CACNA2D3: variants seen among roughly 807,000 people sequenced by gnomAD.
CACNA2D3 encodes voltage-dependent calcium channel subunit alpha-2/delta-3.
CACNA2D3 carries 60 observed loss-of-function variants against 160.6 expected under a neutral mutation model. The observed-to-expected ratio is 0.37, with a 90% CI of 0.30 to 0.46. CACNA2D3 has a LOEUF of 0.46. CACNA2D3 is among the 20% of genes least tolerant of loss of function. The pLI, the probability that CACNA2D3 is intolerant of heterozygous loss-of-function variation, is 1.00. For missense variants in CACNA2D3, 1,205 were observed against 1,365.0 expected (o/e 0.88, Z 1.85); for synonymous variants, 558 against 492.9 (o/e 1.13, Z -1.75).
At chr3:54,987,532 C>A in intron 30 of CACNA2D3, 151 bp from the exon 31 acceptor site, 1 of 547,804 alleles carries the variant, frequency 1.8e-6, no homozygotes. Context: ...CCCATGAGTT[C>A]TCATGACTGT....
At chr3:54,806,207 A>G (rs1470512346) in intron 13 of CACNA2D3, among the ~76,000 whole-genome samples, 2 of 152,222 alleles carry the variant, frequency 1.3e-5, no homozygotes, top group African/African-American at 2.4e-5. Flanking sequence ...GGCCAGGGCA[A>G]TCAGGCGGGA....
At position 54,153,739 on chromosome 3, in the gene CACNA2D3, G is replaced by C. The variant is rs1700191447; in HGVS notation, c.204+30145G>C. On this transcript the variant is annotated intron_variant, in intron 2 of 37. Coordinates refer to ENST00000474759, the MANE Select transcript of CACNA2D3 (RefSeq NM_018398.3). ...GTAGCAATGGTTTTTCCTTATATGG[G>C]CATTGCACTGGTATTTTTATTTTAT... Among the ~76,000 whole-genome samples the C allele has an allele frequency of 2.0e-5, 3 of 152,154 alleles. No homozygotes were observed. In the South Asian group the frequency reaches 6.2e-4, roughly 32 times the overall value.
intron 5 of CACNA2D3, among the ~76,000 whole-genome samples, chr3:54,552,536 G>C (rs916550880): frequency 6.6e-6 from 1 of 152,152 alleles, no homozygotes; most frequent in African/African-American, 2.4e-5. Flanking sequence ...CTTCCGCTTT[G>C]AGCAAGGTAA....
chr3:54,201,777 C>T (rs938903521), intron 2 of CACNA2D3, among the ~76,000 whole-genome samples: 14 of 152,068 alleles, frequency 9.2e-5, no homozygotes, highest in African/African-American at 2.2e-4. Flanking sequence ...ACAGAGAAAT[C>T]GTTTCATTCT....
chr3:54,878,306 C>T (rs557822164), intron 18 of CACNA2D3, among the ~76,000 whole-genome samples: 1 of 152,202 alleles, frequency 6.6e-6, no homozygotes, highest in South Asian at 2.1e-4. Context: ...CCTTGGTGCC[C>T]ATGACGGCAC....
At chr3:54,196,888 G>A (rs1701091074) in intron 2 of CACNA2D3, among the ~76,000 whole-genome samples, 1 of 152,178 alleles carries the variant, frequency 6.6e-6, no homozygotes, top group Admixed American at 6.5e-5. Context: ...ATCGACGGAA[G>A]ATAAATGCCA....
intron 2 of CACNA2D3, among the ~76,000 whole-genome samples, chr3:54,199,901 G>A (rs1701148137): frequency 6.6e-6 from 1 of 152,086 alleles, no homozygotes; most frequent in African/African-American, 2.4e-5. Context: ...TGATCTCAGG[G>A]TCAAATCCAG....
chr3:54,427,457 TAAAA>T (rs1699927340), intron 4 of CACNA2D3, among the ~76,000 whole-genome samples: 1 of 152,124 alleles, frequency 6.6e-6, no homozygotes, highest in Non-Finnish European at 1.5e-5. Context: ...AAGATACTTT[TAAAA>T]ATGAAAGAGG....
At chr3:54,912,349 G>A (rs1458988763) in intron 27 of CACNA2D3, among the ~76,000 whole-genome samples, 1 of 152,146 alleles carries the variant, frequency 6.6e-6, no homozygotes, top group Non-Finnish European at 1.5e-5. Flanking sequence ...CAGGAGGCAA[G>A]AATCATTGAG....
chr3:54,871,429 C>A, intron 17 of CACNA2D3, 110 bp from the exon 18 acceptor site: 1 of 739,382 alleles, frequency 1.4e-6, no homozygotes, highest in South Asian at 1.9e-5. Context: ...CCTCATCGGT[C>A]CACTCCCAAG....
intron 14 of CACNA2D3, among the ~76,000 whole-genome samples, chr3:54,822,796 TTTCTTTCTTTCTTTCTTTCTTTCTTTC>T (rs1703656485): frequency 2.2e-5 from 2 of 90,494 alleles, no homozygotes; most frequent in African/African-American, 1.0e-4. Context: ...CTTTCCTTTC[TTTCTTTCTTTCTTTCTTTCTTTCTTTC>T]TTTCTTTCTT....
rs56232478 is a variant in CACNA2D3 at position 54,995,383 on chromosome 3, G to A, written c.2690+7630G>A. 8.0e-3 allele frequency among the ~76,000 whole-genome samples: 1,225 copies of A among 152,254 alleles called. 18 individuals carry two copies. Among genetic ancestry groups the A allele is most frequent in the African/African-American group, 0.028 (1,175 of 41,544 alleles). On this transcript the variant is annotated intron_variant, in intron 31 of 37. Transcript: ENST00000474759. ...CAGGGACGACTTAAAGAACATAAGA[G>A]GTCTTTTTTCATCTCTTATGGTAAG...
chr3:54,503,444 G>A (rs370025311), intron 4 of CACNA2D3, 48 bp from the exon 5 acceptor site: 1 of 1,581,412 alleles, frequency 6.3e-7, no homozygotes, highest in South Asian at 1.1e-5. Flanking sequence ...TGAGTTCACA[G>A]CCCTCTTCCC....
At chr3:54,313,601 A>G (rs1445125166) in intron 2 of CACNA2D3, among the ~76,000 whole-genome samples, 2 of 151,808 alleles carry the variant, frequency 1.3e-5, no homozygotes, top group African/African-American at 4.8e-5. Flanking sequence ...CTCATCTCTC[A>G]CCAAAGTCAT....
chr3:54,294,110 G>C (rs781332489), intron 2 of CACNA2D3, among the ~76,000 whole-genome samples: 1 of 152,180 alleles, frequency 6.6e-6, no homozygotes, highest in Non-Finnish European at 1.5e-5. Context: ...CTGGGATTTT[G>C]TACTTTCTAG....
intron 27 of CACNA2D3, among the ~76,000 whole-genome samples, chr3:54,905,068 G>C (rs1700423467): frequency 6.6e-6 from 1 of 152,098 alleles, no homozygotes; most frequent in South Asian, 2.1e-4. Flanking sequence ...AGAGACATTG[G>C]TTTCTTATAG....
chr3:54,374,220 G>T (rs545337400), intron 3 of CACNA2D3, among the ~76,000 whole-genome samples: 2 of 152,208 alleles, frequency 1.3e-5, no homozygotes, highest in Non-Finnish European at 2.9e-5. Flanking sequence ...CACCACCAAC[G>T]ATCTCCGGTG....
At chr3:54,763,168 A>G (rs1195456835) in intron 12 of CACNA2D3, among the ~76,000 whole-genome samples, 1 of 152,088 alleles carries the variant, frequency 6.6e-6, no homozygotes, top group African/African-American at 2.4e-5. Flanking sequence ...ACATCATGAT[A>G]TGGGCTGAAA....
chr3:54,179,063 G>A (rs1018174397), intron 2 of CACNA2D3, among the ~76,000 whole-genome samples: 8 of 152,156 alleles, frequency 5.3e-5, no homozygotes, highest in Non-Finnish European at 8.8e-5. Flanking sequence ...GAGGAGAGGG[G>A]TTAGTAGTGG....
Sources: gnomAD v4.1 joint callset for allele counts (sites outside exome capture counted in the v4.1 genomes callset) on GRCh38, gnomAD v4.1.1 for gene constraint, MANE v1.5 for transcripts, NCBI Gene and HGNC (gene_info 2026-07-23, HGNC 2026-07-21) for gene names.